The following RLF variants were observed in gnomAD, a reference collection of about 807,000 sequenced individuals.
The protein encoded by RLF is RLF zinc finger.
In RLF, 7 loss-of-function variants were observed where a neutral mutation model predicts 162.9. The observed-to-expected ratio is 0.04, with a 90% CI of 0.02 to 0.08. RLF has a LOEUF of 0.08. Ranked by LOEUF, RLF falls within the 10% of genes least tolerant of loss-of-function variation. RLF has a pLI of 1.00. For missense variants in RLF, 1,664 were observed against 2,244.7 expected (o/e 0.74, Z 5.23); for synonymous variants, 782 against 791.5 (o/e 0.99, Z 0.20).
At chr1:40,201,209 G>A (rs11588223) in intron 4 of RLF, among the ~76,000 whole-genome samples, 1 of 151,156 alleles carries the variant, frequency 6.6e-6, no homozygotes, top group Non-Finnish European at 1.5e-5. Flanking sequence ...TACTGTTTTA[G>A]ATTAACCACC....
intron 1 of RLF, among the ~76,000 whole-genome samples, chr1:40,173,540 G>T (rs1570515912): frequency 1.4e-5 from 2 of 145,850 alleles, no homozygotes; most frequent in African/African-American, 5.2e-5. Context: ...TTAAGACAGA[G>T]CCTTGCTCTG....
chr1:40,223,823 C>G (rs2124554683), intron 6 of RLF, among the ~76,000 whole-genome samples: 1 of 152,296 alleles, frequency 6.6e-6, no homozygotes, highest in South Asian at 2.1e-4. Flanking sequence ...AGTGGTAGAG[C>G]TGAGATTCAA....
At chr1:40,232,533 G>A (rs1392445334) in intron 7 of RLF, among the ~76,000 whole-genome samples, 5 of 152,142 alleles carry the variant, frequency 3.3e-5, no homozygotes, top group East Asian at 3.9e-4. Flanking sequence ...TATTCTTATC[G>A]ACAGGTTTCA....
rs1486982312 is a variant in RLF, at chr1:40,221,917, A to AAAAAAAAAAAAAAAAAAG, written c.811-656_811-655insAAAAAAAAAAAAAAAAGA. ...TCCGTCTCAAAAAAAAAAAAAAAAAAAGAGAAAGGAAAGGAGCCCCAGAAA... is the reference window on the plus strand; with the variant it reads ...TCCGTCTCAAAAAAAAAAAAAAAAAAAAAAAAAAAAAAAAAAAGAGAGAAAGGAAAGGAGCCCCAGAAA... On this transcript the variant is annotated intron_variant, in intron 5 of 7. Coordinates refer to ENST00000372771, the MANE Select transcript of RLF (RefSeq NM_012421.4). Among the ~76,000 whole-genome samples the AAAAAAAAAAAAAAAAAAG allele has an allele frequency of 6.0e-5, 9 of 150,376 alleles. 1 individual carries two copies. Among genetic ancestry groups the AAAAAAAAAAAAAAAAAAG allele is most frequent in the South Asian group, 2.1e-4 (1 of 4,752 alleles).
At chr1:40,162,413 A>G (rs1219248003) in intron 1 of RLF, among the ~76,000 whole-genome samples, 1 of 151,808 alleles carries the variant, frequency 6.6e-6, no homozygotes, top group Non-Finnish European at 1.5e-5. Flanking sequence ...CCACTCCGAG[A>G]TTTTTCTGTA....
At chr1:40,167,465 A>G (rs904192038) in intron 1 of RLF, among the ~76,000 whole-genome samples, 1 of 152,090 alleles carries the variant, frequency 6.6e-6, no homozygotes, top group Admixed American at 6.6e-5. Context: ...GGGTGCTGTC[A>G]TTTACTGTGG....
intron 5 of RLF, among the ~76,000 whole-genome samples, chr1:40,221,917 A>AAAAAAAAAAAAAAAG (rs1486982312): frequency 6.7e-6 from 1 of 150,282 alleles, no homozygotes; most frequent in African/African-American, 2.5e-5. Context: ...AAAAAAAAAA[A>AAAAAAAAAAAAAAAG]AGAGAAAGGA....
intron 1 of RLF, among the ~76,000 whole-genome samples, chr1:40,168,740 A>G (rs1370968469): frequency 6.6e-6 from 1 of 151,894 alleles, no homozygotes; most frequent in Non-Finnish European, 1.5e-5. Context: ...CCCCTGTAAT[A>G]CCAGCACTTT....
At chr1:40,197,131 A>T (rs1434260399) in intron 4 of RLF, among the ~76,000 whole-genome samples, 1 of 152,014 alleles carries the variant, frequency 6.6e-6, no homozygotes, top group African/African-American at 2.4e-5. Flanking sequence ...TGGTGTTTGG[A>T]CCTCTCTGTA....
At chr1:40,181,489 C>T (rs2124530880) in intron 1 of RLF, among the ~76,000 whole-genome samples, 1 of 152,216 alleles carries the variant, frequency 6.6e-6, no homozygotes, top group South Asian at 2.1e-4. Context: ...TCTTGGCATC[C>T]TAGGTGAAAA....
chr1:40,224,971 G>A (rs150077765), intron 6 of RLF, among the ~76,000 whole-genome samples: 14 of 151,694 alleles, frequency 9.2e-5, no homozygotes, highest in Non-Finnish European at 1.6e-4. Context: ...GAGTGACTCC[G>A]TCTCAAAAAC....
intron 1 of RLF, among the ~76,000 whole-genome samples, chr1:40,171,271 C>T (rs534662931): frequency 2.0e-5 from 3 of 152,118 alleles, no homozygotes; most frequent in Non-Finnish European, 4.4e-5. Flanking sequence ...TTAAGTGATC[C>T]TCCCACCTCA....
chr1:40,179,350 T>A (rs1405497256), intron 1 of RLF, among the ~76,000 whole-genome samples: 1 of 152,232 alleles, frequency 6.6e-6, no homozygotes, highest in Non-Finnish European at 1.5e-5. Context: ...TGATAAAGTT[T>A]GAACTTTACA....
intron 5 of RLF, among the ~76,000 whole-genome samples, chr1:40,211,554 GTTATCTTAAAA>G (rs1642865068): frequency 6.6e-6 from 1 of 152,146 alleles, no homozygotes; most frequent in Middle Eastern, 3.2e-3. Context: ...TACACATAAA[GTTATCTTAAAA>G]TTATTTTAAA....
At chr1:40,170,777 G>C (rs1296311203) in intron 1 of RLF, among the ~76,000 whole-genome samples, 2 of 152,094 alleles carry the variant, frequency 1.3e-5, no homozygotes, top group East Asian at 3.9e-4. Context: ...TATAATTTGG[G>C]GAAAGTAGAG....
At chr1:40,170,989 T>C (rs1039656511) in intron 1 of RLF, among the ~76,000 whole-genome samples, 4 of 151,158 alleles carry the variant, frequency 2.6e-5, no homozygotes, top group Non-Finnish European at 5.9e-5. Context: ...CTTATGGTGC[T>C]GACATTTGAT....
chr1:40,180,348 T>G (rs1220707063), intron 1 of RLF, among the ~76,000 whole-genome samples: 2 of 152,180 alleles, frequency 1.3e-5, no homozygotes, highest in South Asian at 4.1e-4. Flanking sequence ...AACCTCTGCC[T>G]CCTGGAATCA....
chr1:40,217,624 T>C (rs114720645), intron 5 of RLF, among the ~76,000 whole-genome samples: 7,884 of 151,496 alleles, frequency 0.052, 596 homozygotes, highest in African/African-American at 0.17. Flanking sequence ...TACAAAAAAT[T>C]AGCTGGGCGC....
chr1:40,225,810 G>A (rs147118707), intron 6 of RLF, among the ~76,000 whole-genome samples: 6,994 of 145,560 alleles, frequency 0.048, 539 homozygotes, highest in African/African-American at 0.17. Flanking sequence ...CTGGGAGGCA[G>A]AGCTTGCAGT....
Sources: gnomAD v4.1 joint callset for allele counts (sites outside exome capture counted in the v4.1 genomes callset) on GRCh38, gnomAD v4.1.1 for gene constraint, MANE v1.5 for transcripts, NCBI Gene and HGNC (gene_info 2026-07-23, HGNC 2026-07-21) for gene names.